SYNJ1: variants seen among roughly 807,000 people sequenced by gnomAD.
The protein encoded by SYNJ1 is polyphosphatidylinositol phosphatase SYNJ1.
SYNJ1 carries 78 observed loss-of-function variants against 168.2 expected under a neutral mutation model. The observed-to-expected ratio is 0.46, with a 90% confidence interval of 0.39 to 0.56. The LOEUF is 0.56. Among genes scored for constraint, SYNJ1 ranks in the 20% least tolerant of loss-of-function variants. The pLI, the probability that SYNJ1 is intolerant of heterozygous loss-of-function variation, is 0.00. For missense variants in SYNJ1, 1,303 were observed against 1,597.6 expected, an observed-to-expected ratio of 0.82 and a Z score of 3.14; for synonymous variants, 539 against 548.6, an observed-to-expected ratio of 0.98 and a Z score of 0.24.
chr21:32,716,004 C>T (rs1017906777), intron 2 of SYNJ1, among the ~76,000 whole-genome samples: 2 of 152,146 alleles, frequency 1.3e-5, no homozygotes, highest in African/African-American at 4.8e-5. Context: ...AATGCATGTG[C>T]TCACATACGT....
chr21:32,706,313 C>T (rs575524426), intron 2 of SYNJ1, among the ~76,000 whole-genome samples: 1 of 151,914 alleles, frequency 6.6e-6, no homozygotes, highest in Non-Finnish European at 1.5e-5. Flanking sequence ...ATTGTTGGGG[C>T]AATTGGTAAA....
chr21:32,650,498 A>C lies in SYNJ1; in HGVS notation c.2875-152T>G, dbSNP rs1601284370. 27 of 633,698 alleles carry C rather than the reference A, an allele frequency of 4.3e-5. No individual in the cohort carries two copies. In the East Asian group the frequency reaches 8.9e-4, roughly 21 times the overall value. The allele number at this position is 633,698 out of a possible 1,614,324, so 39.3% of individuals were successfully genotyped here. On this transcript the variant is annotated intron_variant, in intron 22 of 32. Transcript: ENST00000674351. ...CTAAAGAAATAGTTCTTTCACATAT[A>C]CTAAATTTCAAACTAGTTTAAAGGT...
rs1389378705 is a variant in SYNJ1, at chr21:32,646,524, C to A, written c.3116G>T (p.Gly1039Val). ...HLQPSSSSGL[G>V]TSPSSSPRTS... ...TCGGGGTGAAGAGCTGGGGGAAGTA[C>A]CAAGGCCGGAACTTGAAGATGGCTG... is the stretch of plus-strand genomic sequence containing the variant. The change falls in exon 24 of 33, where the codon GGT (glycine) becomes GTT (valine). Residue 1039 changes from glycine to valine, a missense_variant. Physicochemically the swap from Gly to Val is moderately radical, Grantham distance 109. Around this residue, in one of 2 missense-constraint regions of SYNJ1, gnomAD observed 383 missense variants for 388.8 expected, o/e 0.99. Transcript: ENST00000674351. The A allele has an allele frequency of 1.2e-6, 2 of 1,613,918 alleles. No homozygotes were observed. Among genetic ancestry groups the A allele is most frequent in the East Asian group, 2.2e-5 (1 of 44,884 alleles).
chr21:32,629,245 G>A lies in SYNJ1; in HGVS notation c.*2560C>T, dbSNP rs2039230790. 6.6e-6 allele frequency: 1 copy of A among 152,620 alleles called. No individual in the cohort carries two copies. Among genetic ancestry groups the A allele is most frequent in the Non-Finnish European group, 1.5e-5 (1 of 68,038 alleles). 9.5% of individuals were successfully genotyped at this position (152,620 alleles called of 1,614,324 possible). ...TGGAGAGCAAATACCATATACACTA[G>A]TCACATGGATGTTAAAGCCACAGTT... On this transcript the variant is annotated 3_prime_UTR_variant, in exon 33 of 33. Transcript: ENST00000674351.
intron 2 of SYNJ1, among the ~76,000 whole-genome samples, chr21:32,709,314 T>C (rs1196350812): frequency 6.6e-6 from 1 of 151,720 alleles, no homozygotes; most frequent in Non-Finnish European, 1.5e-5. Flanking sequence ...CTGTCTCTAC[T>C]AAAAATACAA....
At position 32,656,809 on chromosome 21, in the gene SYNJ1, T is replaced by C. The variant is rs1036734537; in HGVS notation, c.2673A>G (p.Pro891=). ...TTGAGACCAATACTGTACCATCTGG[T>C]GGACCCTGAACTGCAATTACTTCTT... The part of the protein sequence containing the change: ...IYKEVIAVQG[P]PDGTVLVSIK... Residue 891 remains proline, a synonymous_variant, in exon 21 of 33, where the codon CCA becomes CCG. Coordinates refer to ENST00000674351, the MANE Select transcript of SYNJ1 (RefSeq NM_203446.3). 6.2e-7 allele frequency: 1 copy of C among 1,614,200 alleles called. No individual in the cohort carries two copies. The highest frequency in any genetic ancestry group is 1.7e-5 in the Admixed American group (1 of 60,032).
At chr21:32,643,979 G>C (rs979523766) in intron 26 of SYNJ1, among the ~76,000 whole-genome samples, 1 of 152,140 alleles carries the variant, frequency 6.6e-6, no homozygotes, top group African/African-American at 2.4e-5. Context: ...ATTATGAAGG[G>C]GAGCAATTTT....
chr21:32,712,654 C>G (rs1178468285), intron 2 of SYNJ1, among the ~76,000 whole-genome samples: 1 of 152,016 alleles, frequency 6.6e-6, no homozygotes, highest in African/African-American at 2.4e-5. Context: ...TACCGTGACA[C>G]CTTCTTAGGA....
rs928137108 is a variant in SYNJ1, at chr21:32,630,061, G to C, written c.*1744C>G. On this transcript the variant is annotated 3_prime_UTR_variant, in exon 33 of 33. Transcript: ENST00000674351. ...GGCAACGTATACTCGAACGTACGCA[G>C]AGAAGAGAGTACGGTTAGCTCTAAT... The C allele has an allele frequency of 1.3e-5, 2 of 152,236 alleles. No individual in the cohort carries two copies. The highest frequency in any genetic ancestry group is 2.4e-5 in the African/African-American group (1 of 41,462). The allele number at this position is 152,236 out of a possible 1,614,324, so 9.4% of individuals were successfully genotyped here.
At chr21:32,666,246 G>A (rs1201593862) in intron 16 of SYNJ1, 111 bp from the exon 17 acceptor site, 2 of 1,440,578 alleles carry the variant, frequency 1.4e-6, no homozygotes, top group Non-Finnish European at 1.9e-6. Context: ...GGTACTTTGA[G>A]GGCAAGCCTT....
At position 32,636,613 on chromosome 21, in the gene SYNJ1, AT is replaced by A. The variant is rs550134826; in HGVS notation, c.3916-1730del. ...TAACAGCTACTTCCAATAATTTAAA[AT>A]TTTTTTTATTATTTTTAAAATAGGC... On this transcript the variant is annotated intron_variant, in intron 31 of 32. Transcript: ENST00000674351. Among the ~76,000 whole-genome samples, 8 of 152,112 alleles carry A rather than the reference AT, an allele frequency of 5.3e-5. No homozygotes were observed. In the East Asian group the frequency reaches 1.4e-3, roughly 26 times the overall value.
chr21:32,713,254 A>G lies in SYNJ1; in HGVS notation c.125-11207T>C, dbSNP rs1153298. ...TGTCAACATGGATGATTTCCCATAT[A>G]TCAACATGGATGATTTCCCATATGT... On this transcript the variant is annotated intron_variant, in intron 2 of 32. Coordinates refer to ENST00000674351, the MANE Select transcript of SYNJ1 (RefSeq NM_203446.3). Among the ~76,000 whole-genome samples, 484 of 133,914 alleles carry G rather than the reference A, an allele frequency of 3.6e-3. 4 individuals carry two copies. The highest frequency in any genetic ancestry group is 0.026 in the Middle Eastern group (6 of 230). 87.9% of individuals were successfully genotyped at this position (133,914 alleles called of 152,430 possible).
rs371628726 is a variant in SYNJ1 at position 32,666,561 on chromosome 21, C to T, written c.1824G>A (p.Gln608=). The change falls in exon 16 of 33, where the codon CAG becomes CAA. Residue 608 remains glutamine (Q), a synonymous_variant. Coordinates refer to ENST00000674351, the MANE Select transcript of SYNJ1 (RefSeq NM_203446.3). ...GNIVSASTTN[Q]KLWAVELQKT... is the part of the protein sequence containing the mutation. ...TCTGAAGTTCTACAGCCCAGAGCTT[C>T]TGATTTGTTGTGCTACAAGAAAATA... 2.5e-6 allele frequency: 4 copies of T among 1,610,254 alleles called. No homozygotes were observed. Among genetic ancestry groups the T allele is most frequent in the Non-Finnish European group, 3.4e-6 (4 of 1,178,990 alleles).
In SYNJ1 at chr21:32,656,827, T is replaced by C. The variant is rs1307328634; in HGVS notation, c.2655A>G (p.Val885=). 1 of 1,614,076 alleles carries C rather than the reference T, an allele frequency of 6.2e-7. No homozygotes were observed. Among genetic ancestry groups the C allele is most frequent in the Non-Finnish European group, 8.5e-7 (1 of 1,180,044 alleles). The change falls in exon 21 of 33, where the codon GTA becomes GTG. Residue 885 remains valine, a synonymous_variant. Transcript: ENST00000674351. ...CATCTGGTGGACCCTGAACTGCAAT[T>C]ACTTCTTTATAAATGTTTTGCCTCT... ...AEERQNIYKE[V]IAVQGPPDGT...
chr21:32,675,274 C>T (rs1271677599), intron 13 of SYNJ1, among the ~76,000 whole-genome samples: 1 of 151,990 alleles, frequency 6.6e-6, no homozygotes, highest in African/African-American at 2.4e-5. Context: ...TACTGCCTCA[C>T]TGTATGAACT....
chr21:32,712,460 A>T (rs1191945871), intron 2 of SYNJ1, among the ~76,000 whole-genome samples: 1 of 152,222 alleles, frequency 6.6e-6, no homozygotes, highest in Admixed American at 6.5e-5. Flanking sequence ...TCTCTTACAA[A>T]AGTAATTAAA....
chr21:32,647,930 C>G (rs1419035812), intron 23 of SYNJ1, among the ~76,000 whole-genome samples: 1 of 152,166 alleles, frequency 6.6e-6, no homozygotes, highest in Non-Finnish European at 1.5e-5. Context: ...TACTGCAAAA[C>G]TCCTTAACCC....
In SYNJ1 at chr21:32,685,798, C is replaced by T. The variant is rs1224613944; in HGVS notation, c.1068G>A (p.Gln356=). The T allele has an allele frequency of 6.2e-7, 1 of 1,612,178 alleles. No homozygotes were observed. The highest frequency in any genetic ancestry group is 1.1e-5 in the South Asian group (1 of 90,784). ...KLHSVLKPQV[Q]KFLDYGFFYF... ...AAAAAAATCCATAATCTAGAAACTT[C>T]TGGACTTGAGGTTTAAGAACACTAT... The change falls in exon 9 of 33, where the codon CAG becomes CAA. Residue 356 remains glutamine (Q), a synonymous_variant. Transcript: ENST00000674351.
chr21:32,687,075 C>A lies in SYNJ1; in HGVS notation c.852-1G>T. On this transcript the variant is annotated splice_acceptor_variant, in intron 7 of 32. Coordinates refer to ENST00000674351, the MANE Select transcript of SYNJ1 (RefSeq NM_203446.3). LOFTEE classifies it high-confidence loss of function. ...TAAGTTCTTAAGTGTTCTAAAATGC[C>A]TATTTAAGAAAGAAAGGAAATAAAT... is the stretch of plus-strand genomic sequence containing the variant. The A allele has an allele frequency of 2.1e-6, 3 of 1,438,872 alleles. No homozygotes were observed. Among genetic ancestry groups the A allele is most frequent in the South Asian group, 1.4e-5 (1 of 72,630 alleles). 89.1% of individuals were successfully genotyped at this position (1,438,872 alleles called of 1,614,324 possible).
Sources: gnomAD v4.1 joint callset for allele counts (sites outside exome capture counted in the v4.1 genomes callset) on GRCh38, gnomAD v4.1.1 for gene constraint, gnomAD v4.1.1 regional missense constraint, MANE v1.5 for transcripts, NCBI Gene and HGNC (gene_info 2026-07-23, HGNC 2026-07-21) for gene names.